The following CAMTA1 variants were observed in gnomAD, a reference collection of about 807,000 sequenced individuals.
CAMTA1 encodes calmodulin binding transcription activator 1.
CAMTA1 carries 27 observed loss-of-function variants against 170.9 expected under a neutral mutation model. The observed-to-expected ratio is 0.16, with a 90% CI of 0.12 to 0.22. The LOEUF (loss-of-function observed/expected upper bound fraction) is 0.22, where lower values mean the gene tolerates loss of function less well. Among genes scored for constraint, CAMTA1 ranks in the 10% least tolerant of loss-of-function variants. The pLI, the probability that CAMTA1 is intolerant of heterozygous loss-of-function variation, is 1.00. For synonymous variants in CAMTA1, 833 were observed against 891.5 expected, an observed-to-expected ratio of 0.93 and a Z score of 1.17; for missense variants, 1,619 against 2,217.2, an observed-to-expected ratio of 0.73 and a Z score of 5.42.
At chr1:7,537,106 G>A (rs1056109992) in intron 6 of CAMTA1, among the ~76,000 whole-genome samples, 7 of 152,158 alleles carry the variant, frequency 4.6e-5, no homozygotes, top group African/African-American at 1.7e-4. Context: ...GGGCTACAGC[G>A]GGCGCCTCCT....
At position 7,013,591 on chromosome 1, in the gene CAMTA1, C is replaced by T. The variant is rs60809543; in HGVS notation, c.235-77713C>T. On this transcript the variant is annotated intron_variant, in intron 3 of 22. Coordinates refer to ENST00000303635, the MANE Select transcript of CAMTA1 (RefSeq NM_015215.4). ...AGATCAGGCCTGGCCGTCCTCAGTG[C>T]TTAGGTAAGCAGAGTGTGGCTCAGC... Among the ~76,000 whole-genome samples the T allele has an allele frequency of 3.9e-3, 599 of 152,264 alleles. 4 individuals are homozygous for T. The highest frequency in any genetic ancestry group is 0.014 in the African/African-American group (585 of 41,540).
intron 5 of CAMTA1, among the ~76,000 whole-genome samples, chr1:7,445,875 C>T (rs1326878586): frequency 6.6e-6 from 1 of 152,114 alleles, no homozygotes. Context: ...AGCGAACATT[C>T]AGGGGTCAGG....
intron 3 of CAMTA1, among the ~76,000 whole-genome samples, chr1:6,893,238 G>A (rs1674936752): frequency 6.6e-6 from 1 of 152,102 alleles, no homozygotes; most frequent in African/African-American, 2.4e-5. Flanking sequence ...TCCAGCCTGG[G>A]CGACAGAGCA....
chr1:6,957,678 C>T (rs12065165), intron 3 of CAMTA1, among the ~76,000 whole-genome samples: 10 of 152,180 alleles, frequency 6.6e-5, no homozygotes, highest in African/African-American at 2.2e-4. Context: ...TACATGAGTA[C>T]ACTAAGGTGA....
chr1:7,625,959 G>T lies in CAMTA1; in HGVS notation c.511-14441G>T, dbSNP rs150347716. 9.7e-3 allele frequency among the ~76,000 whole-genome samples: 1,483 copies of T among 152,264 alleles called. 12 individuals carry two copies. Among genetic ancestry groups the T allele is most frequent in the Non-Finnish European group, 0.013 (910 of 68,014 alleles). ...TGGAGAAAGGAAGAAGATAAAGAAG[G>T]ATTTAAAAAGAAAATAACAAAAAGA... On this transcript the variant is annotated intron_variant, in intron 6 of 22. Transcript: ENST00000303635.
chr1:7,482,267 T>A lies in CAMTA1; in HGVS notation c.510+14366T>A, dbSNP rs909709451. ...TGTTCACTGCTACATTTGGAGTGCC[T>A]GGAGCCATGCCTAGCACATAAGTAC... On this transcript the variant is annotated intron_variant, in intron 6 of 22. Transcript: ENST00000303635. The surrounding 1 kb of genome is among the most constrained non-coding windows in gnomAD (Gnocchi z 4.2). 6.6e-6 allele frequency among the ~76,000 whole-genome samples: 1 copy of A among 152,224 alleles called. No individual in the cohort carries two copies. Among genetic ancestry groups the A allele is most frequent in the African/African-American group, 2.4e-5 (1 of 41,446 alleles).
chr1:7,608,133 G>A (rs2095499895), intron 6 of CAMTA1, among the ~76,000 whole-genome samples: 1 of 152,188 alleles, frequency 6.6e-6, no homozygotes, highest in Admixed American at 6.5e-5. Context: ...ACCCATGGCA[G>A]GGGTGCACTC....
chr1:7,042,510 C>G (rs1197312663), intron 3 of CAMTA1, among the ~76,000 whole-genome samples: 1 of 152,242 alleles, frequency 6.6e-6, no homozygotes, highest in Non-Finnish European at 1.5e-5. Flanking sequence ...CCTTCCTCCC[C>G]CTGAGCTCAT....
chr1:7,392,435 A>G (rs1045715980), intron 5 of CAMTA1, among the ~76,000 whole-genome samples: 2 of 150,872 alleles, frequency 1.3e-5, no homozygotes, highest in Admixed American at 6.6e-5. Flanking sequence ...TTGTATTTTT[A>G]GTAGAGTCCG....
At chr1:7,614,643 C>A (rs1277790548) in intron 6 of CAMTA1, among the ~76,000 whole-genome samples, 2 of 152,182 alleles carry the variant, frequency 1.3e-5, no homozygotes, top group African/African-American at 4.8e-5. Flanking sequence ...TGGCTCGTCA[C>A]TGTTATCAAC....
At chr1:7,536,780 G>A (rs114681672) in intron 6 of CAMTA1, among the ~76,000 whole-genome samples, 5 of 152,272 alleles carry the variant, frequency 3.3e-5, no homozygotes, top group Non-Finnish European at 5.9e-5. Context: ...TGCTCCACCC[G>A]CGGAGTGCTG....
chr1:7,581,744 C>A (rs2095262748), intron 6 of CAMTA1, among the ~76,000 whole-genome samples: 1 of 152,238 alleles, frequency 6.6e-6, no homozygotes, highest in East Asian at 1.9e-4. Context: ...AGGCTGCTAG[C>A]ATCCTCTTGC....
intron 3 of CAMTA1, among the ~76,000 whole-genome samples, chr1:6,952,134 A>C (rs1688587366): frequency 6.6e-6 from 1 of 152,200 alleles, no homozygotes; most frequent in African/African-American, 2.4e-5. Context: ...TTCTGGCATC[A>C]AATGGGATAA....
chr1:7,732,676 G>C lies in CAMTA1; in HGVS notation c.3066+77G>C, dbSNP rs748091771. The C allele has an allele frequency of 1.4e-6, 2 of 1,478,962 alleles. No individual in the cohort carries two copies. Among genetic ancestry groups the C allele is most frequent in the African/African-American group, 1.4e-5 (1 of 71,192 alleles). The allele number at this position is 1,478,962 out of a possible 1,614,324, so 91.6% of individuals were successfully genotyped here. A position where few individuals can be genotyped will look rare whatever the true frequency, so the allele number is the denominator to read the frequency against. On this transcript the variant is annotated intron_variant, in intron 12 of 22. Transcript: ENST00000303635. This position sits in a 1 kb window ranked among gnomAD's most constrained non-coding sequence, Gnocchi z 4.1. Reference sequence around the variant, plus strand: ...TGGCGAGGCAGTGGATGGATCACAGGCCTCTTCTCTGCTGCTGATGCGGTC... The same window carrying C: ...TGGCGAGGCAGTGGATGGATCACAGCCCTCTTCTCTGCTGCTGATGCGGTC...
chr1:7,033,304 G>A (rs937846958), intron 3 of CAMTA1, among the ~76,000 whole-genome samples: 2 of 152,092 alleles, frequency 1.3e-5, no homozygotes, highest in Non-Finnish European at 2.9e-5. Context: ...TACACCCAGT[G>A]TGTTTTTCAC....
chr1:7,749,579 A>G (rs1036127838), intron 19 of CAMTA1, among the ~76,000 whole-genome samples: 3 of 151,808 alleles, frequency 2.0e-5, no homozygotes, highest in Non-Finnish European at 4.4e-5. Flanking sequence ...ATCTACAGCT[A>G]GGAAGACAGA....
rs534833426 is a variant in CAMTA1, at chr1:7,361,010, T to TGTGGTGTTAGA, written c.439-106816_439-106815insTGTTAGAGTGG. Among the ~76,000 whole-genome samples the TGTGGTGTTAGA allele has an allele frequency of 5.3e-3, 804 of 152,292 alleles. 6 individuals are homozygous for TGTGGTGTTAGA. The highest frequency in any genetic ancestry group is 0.018 in the African/African-American group (767 of 41,566). On this transcript the variant is annotated intron_variant, in intron 5 of 22. Transcript: ENST00000303635. Reference sequence around the variant, plus strand: ...TGGACTTGTCCCTGGAAAACGGGGCTGTGGGTGTTAGAGTGTTGTTCTGGA... The same window carrying TGTGGTGTTAGA: ...TGGACTTGTCCCTGGAAAACGGGGCTGTGGTGTTAGAGTGGGTGTTAGAGTGTTGTTCTGGA...
At position 7,570,936 on chromosome 1, in the gene CAMTA1, G is replaced by A. The variant is rs2095118099; in HGVS notation, c.511-69464G>A. ...CTGAGCCTCAGTTGCCTCAAGATGG[G>A]CAGCCTTTCTGTGTCGCCGGAGGTT... On this transcript the variant is annotated intron_variant, in intron 6 of 22. Transcript: ENST00000303635. This position sits in a 1 kb window ranked among gnomAD's most constrained non-coding sequence, Gnocchi z 4.3. 6.6e-6 allele frequency among the ~76,000 whole-genome samples: 1 copy of A among 152,220 alleles called. No homozygotes were observed. Among genetic ancestry groups the A allele is most frequent in the African/African-American group, 2.4e-5 (1 of 41,462 alleles).
chr1:6,861,877 C>T (rs568088575), intron 3 of CAMTA1, among the ~76,000 whole-genome samples: 5 of 152,214 alleles, frequency 3.3e-5, no homozygotes, highest in East Asian at 1.9e-4. Flanking sequence ...CCCTACCCCT[C>T]GCCCCCGGCA....
Sources: gnomAD v4.1 joint callset for allele counts (sites outside exome capture counted in the v4.1 genomes callset) on GRCh38, gnomAD v4.1.1 for gene constraint, Gnocchi (gnomAD v3.1) non-coding constraint, MANE v1.5 for transcripts, NCBI Gene and HGNC (gene_info 2026-07-23, HGNC 2026-07-21) for gene names.